Variants in GID8 observed in about 807,000 individuals in gnomAD.
GID8 encodes the protein glucose-induced degradation protein 8 homolog.
Under a neutral mutation model 27.4 loss-of-function variants are expected in GID8, and 6 were observed. That is an observed-to-expected ratio of 0.22 (90% CI 0.12 to 0.43). The LOEUF is 0.43. Among genes scored for constraint, GID8 ranks in the 20% least tolerant of loss-of-function variants. The probability of loss-of-function intolerance (pLI) is 1.00; values close to 1 mark genes in which losing one functional copy is unlikely to be tolerated. For synonymous variants in GID8, 112 were observed against 109.0 expected, an observed-to-expected ratio of 1.03 and a Z score of -0.17; for missense variants, 173 against 287.6, an observed-to-expected ratio of 0.60 and a Z score of 2.88.
intron 1 of GID8, among the ~76,000 whole-genome samples, chr20:62,940,348 C>CA: frequency 8.2e-6 from 1 of 121,772 alleles, no homozygotes; most frequent in Non-Finnish European, 1.8e-5. Flanking sequence ...CCATGCCCGG[C>CA]AAATTTTTTT....
chr20:62,945,686 C>T lies in GID8; in HGVS notation c.*774C>T. 3.4e-6 allele frequency: 4 copies of T among 1,186,144 alleles called. No homozygotes were observed. Among genetic ancestry groups the T allele is most frequent in the Non-Finnish European group, 4.3e-6 (4 of 938,244 alleles). The allele number at this position is 1,186,144 out of a possible 1,614,324, so 73.5% of individuals were successfully genotyped here. A position where few individuals can be genotyped will look rare whatever the true frequency, so the allele number is the denominator to read the frequency against. ...TTAATCATCTCAAATGACCTTTTGT[C>T]TTTGGGGCGTTCTTCCCCCTGTGAT... On this transcript the variant is annotated 3_prime_UTR_variant, in exon 5 of 5. Transcript: ENST00000266069.
chr20:62,942,145 C>T (rs1383942428), intron 2 of GID8, among the ~76,000 whole-genome samples: 1 of 152,190 alleles, frequency 6.6e-6, no homozygotes, highest in Non-Finnish European at 1.5e-5. Flanking sequence ...TTCCTTCTCC[C>T]AAATTAATCT....
At position 62,938,195 on chromosome 20, in the gene GID8, G is replaced by C. The variant is rs1410787084; in HGVS notation, c.-71G>C. On this transcript the variant is annotated 5_prime_UTR_variant, in exon 1 of 5. Transcript: ENST00000266069. ...CGGCCGCCACCTCTCCCCAGCCCAG[G>C]AGAGGCTGCGGAGCCGCAGCCGCCC... 5.1e-6 allele frequency: 1 copy of C among 195,664 alleles called. No individual in the cohort carries two copies. The highest frequency in any genetic ancestry group is 1.0e-5 in the Non-Finnish European group (1 of 96,530). 12.1% of individuals were successfully genotyped at this position (195,664 alleles called of 1,614,324 possible). A position where few individuals can be genotyped will look rare whatever the true frequency, so the allele number is the denominator to read the frequency against.
At chr20:62,939,135 A>C (rs1309941135) in intron 1 of GID8, among the ~76,000 whole-genome samples, 1 of 152,100 alleles carries the variant, frequency 6.6e-6, no homozygotes, top group African/African-American at 2.4e-5. Context: ...AAAGAAAAAG[A>C]AAATGAGTCC....
At chr20:62,939,592 C>T (rs184732427) in intron 1 of GID8, among the ~76,000 whole-genome samples, 12 of 152,302 alleles carry the variant, frequency 7.9e-5, no homozygotes, top group Admixed American at 5.9e-4. Context: ...GTGGCCCCAT[C>T]TTGCAGGGCC....
In GID8 at chr20:62,943,726, C is replaced by T. The variant is rs1025376830; in HGVS notation, c.513+34C>T. On this transcript the variant is annotated intron_variant, in intron 4 of 4. Transcript: ENST00000266069. This position sits in a 1 kb window ranked among gnomAD's most constrained non-coding sequence, Gnocchi z 4.7. ...TGCCAGAGGGAAGCTTTCTTCCATT[C>T]CCCATGTGCTCTGAGGGGGCTTCGT... The T allele has an allele frequency of 7.8e-6, 12 of 1,537,958 alleles. 1 individual carries two copies. In the Admixed American group the frequency reaches 1.5e-4, roughly 19 times the overall value.
In GID8 at chr20:62,945,744, G is replaced by A. The variant is rs1224258478; in HGVS notation, c.*832G>A. The A allele has an allele frequency of 4.9e-6, 6 of 1,219,184 alleles. No individual in the cohort carries two copies. The highest frequency in any genetic ancestry group is 6.3e-6 in the Non-Finnish European group (6 of 949,662). 75.5% of individuals were successfully genotyped at this position (1,219,184 alleles called of 1,614,324 possible). Reference sequence around the variant, plus strand: ...GTGGCTTTTTCTGGTACCTGCAGCTGGAAAGGCCACTTGGCCCTGTGCTGA... The same window carrying A: ...GTGGCTTTTTCTGGTACCTGCAGCTAGAAAGGCCACTTGGCCCTGTGCTGA... On this transcript the variant is annotated 3_prime_UTR_variant, in exon 5 of 5. Transcript: ENST00000266069.
At chr20:62,940,079 A>G (rs1393351822) in intron 1 of GID8, among the ~76,000 whole-genome samples, 1 of 151,934 alleles carries the variant, frequency 6.6e-6, no homozygotes, top group African/African-American at 2.4e-5. Flanking sequence ...TTTGCCACGT[A>G]CATATTTGTT....
Position 62,945,819 on chromosome 20 carries a change from G to T in GID8, c.*907G>T. ...GCAGCCCTTGGCCGGTGGGGACGCA[G>T]AGCCCCAGCAGGTGGTGCACGACTG... On this transcript the variant is annotated 3_prime_UTR_variant, in exon 5 of 5. Coordinates refer to ENST00000266069, the MANE Select transcript of GID8 (RefSeq NM_017896.3). 1 of 1,288,608 alleles carries T rather than the reference G, an allele frequency of 7.8e-7. No homozygotes were observed. The highest frequency in any genetic ancestry group is 1.0e-6 in the Non-Finnish European group (1 of 988,008). 79.8% of individuals were successfully genotyped at this position (1,288,608 alleles called of 1,614,324 possible). A position where few individuals can be genotyped will look rare whatever the true frequency, so the allele number is the denominator to read the frequency against.
chr20:62,944,950 C>A lies in GID8; in HGVS notation c.*38C>A. 1 of 1,574,414 alleles carries A rather than the reference C, an allele frequency of 6.4e-7. No individual in the cohort carries two copies. Among genetic ancestry groups the A allele is most frequent in the East Asian group, 2.3e-5 (1 of 42,584 alleles). ...CGTGGTGGATCCAACACCAGCCCTG[C>A]GTCGTGGGACTTGCCTCAGATCAGC... On this transcript the variant is annotated 3_prime_UTR_variant, in exon 5 of 5. Transcript: ENST00000266069.
In GID8 at chr20:62,948,066, C is replaced by T. The variant is rs1246153060; in HGVS notation, c.*3154C>T. On this transcript the variant is annotated 3_prime_UTR_variant, in exon 5 of 5. Coordinates refer to ENST00000266069, the MANE Select transcript of GID8 (RefSeq NM_017896.3). ...GGTGGCCAAGCAGTCTGTGTGCTTC[C>T]CCGCTGATGGAGAACGTTGCGTTGT... is the stretch of plus-strand genomic sequence containing the variant. 6.6e-6 allele frequency: 1 copy of T among 152,224 alleles called. No individual in the cohort carries two copies. Among genetic ancestry groups the T allele is most frequent in the African/African-American group, 2.4e-5 (1 of 41,456 alleles). 9.4% of individuals were successfully genotyped at this position (152,224 alleles called of 1,614,324 possible).
At chr20:62,940,057 A>C (rs993679119) in intron 1 of GID8, among the ~76,000 whole-genome samples, 4 of 152,152 alleles carry the variant, frequency 2.6e-5, no homozygotes, top group Non-Finnish European at 4.4e-5. Context: ...AAAAAAAAAC[A>C]AACAAAATAG....
Position 62,943,551 on chromosome 20 carries a change from T to C in GID8, c.372T>C (p.Phe124=), listed in dbSNP as rs778933614. Residue 124 remains phenylalanine (F), a synonymous_variant, in exon 4 of 5, where the codon TTT becomes TTC. Transcript: ENST00000266069. This position sits in a 1 kb window ranked among gnomAD's most constrained non-coding sequence, Gnocchi z 4.7. ...GGGAGACAGAGGCGGCGCTGGAGTT[T>C]GCACAGACTCAGCTGGCGGAGCAGG... The part of the protein sequence containing the change: ...RQRETEAALE[F]AQTQLAEQGE... 1 of 1,613,400 alleles carries C rather than the reference T, an allele frequency of 6.2e-7. No homozygotes were observed. The highest frequency in any genetic ancestry group is 8.5e-7 in the Non-Finnish European group (1 of 1,180,016).
Position 62,945,040 on chromosome 20 carries a change from T to G in GID8, c.*128T>G. ...TTCTCCCTTGTACTTTTTTTTGACC[T>G]GGCATCTTTTTATAGGGAAAAATGG... On this transcript the variant is annotated 3_prime_UTR_variant, in exon 5 of 5. Transcript: ENST00000266069. 1 of 1,431,878 alleles carries G rather than the reference T, an allele frequency of 7.0e-7. No individual in the cohort carries two copies. Among genetic ancestry groups the G allele is most frequent in the Non-Finnish European group, 9.1e-7 (1 of 1,094,520 alleles). The allele number at this position is 1,431,878 out of a possible 1,614,324, so 88.7% of individuals were successfully genotyped here. A position where few individuals can be genotyped will look rare whatever the true frequency, so the allele number is the denominator to read the frequency against.
In GID8 at chr20:62,942,906, A is replaced by G. The variant is rs754361851; in HGVS notation, c.119-81A>G. The G allele has an allele frequency of 1.3e-4, 126 of 979,174 alleles. 1 individual carries two copies. The highest frequency in any genetic ancestry group is 2.1e-4 in the South Asian group (14 of 67,010). 60.7% of individuals were successfully genotyped at this position (979,174 alleles called of 1,614,324 possible). A position where few individuals can be genotyped will look rare whatever the true frequency, so the allele number is the denominator to read the frequency against. On this transcript the variant is annotated intron_variant, in intron 2 of 4. Transcript: ENST00000266069. ...ACATCAGAGGTTATTAATTGAGGCA[A>G]TTGGAGTTTCTGGAGATACAAAGTC...
rs1479810935 is a variant in GID8 at position 62,947,281 on chromosome 20, T to C, written c.*2369T>C. The C allele has an allele frequency of 2.0e-5, 3 of 152,278 alleles. No homozygotes were observed. The highest frequency in any genetic ancestry group is 6.5e-5 in the Admixed American group (1 of 15,292). The allele number at this position is 152,278 out of a possible 1,614,324, so 9.4% of individuals were successfully genotyped here. Reference sequence around the variant, plus strand: ...TCGTGTGAGGGGCTGCACTTGCTTTTCTTGTGATCTGTTAGTGGACGAGGT... The same window carrying C: ...TCGTGTGAGGGGCTGCACTTGCTTTCCTTGTGATCTGTTAGTGGACGAGGT... On this transcript the variant is annotated 3_prime_UTR_variant, in exon 5 of 5. Coordinates refer to ENST00000266069, the MANE Select transcript of GID8 (RefSeq NM_017896.3).
chr20:62,938,993 C>T (rs376942299), intron 1 of GID8, among the ~76,000 whole-genome samples: 205 of 152,220 alleles, frequency 1.3e-3, no homozygotes, highest in South Asian at 8.1e-3. Context: ...TGGTGCGCTC[C>T]TGTTGTCCCA....
chr20:62,938,174 C>T lies in GID8; in HGVS notation c.-92C>T, dbSNP rs546048762. On this transcript the variant is annotated 5_prime_UTR_variant, in exon 1 of 5. Transcript: ENST00000266069. ...CCTTCTACTCGGGCGCCCCGGCGGC[C>T]GCCACCTCTCCCCAGCCCAGGAGAG... The T allele has an allele frequency of 1.1e-3, 241 of 229,456 alleles. No individual in the cohort carries two copies. Among genetic ancestry groups the T allele is most frequent in the African/African-American group, 5.1e-3 (223 of 43,876 alleles). The allele number at this position is 229,456 out of a possible 1,614,324, so 14.2% of individuals were successfully genotyped here. A position where few individuals can be genotyped will look rare whatever the true frequency, so the allele number is the denominator to read the frequency against.
chr20:62,943,509 C>A lies in GID8; in HGVS notation c.330C>A (p.Ile110=). Residue 110 remains isoleucine (I), a synonymous_variant, in exon 4 of 5, where the codon ATC becomes ATA. Coordinates refer to ENST00000266069, the MANE Select transcript of GID8 (RefSeq NM_017896.3). The surrounding 1 kb of genome is among the most constrained non-coding windows in gnomAD (Gnocchi z 4.7). ...TCTGCCTCCAGCAACAGCATTTGATCGAGCTGATCCGCCAGCGGGAGACAG... is the reference window on the plus strand; with the variant it reads ...TCTGCCTCCAGCAACAGCATTTGATAGAGCTGATCCGCCAGCGGGAGACAG... ...LYFHLQQQHL[I]ELIRQRETEA... 6.2e-7 allele frequency: 1 copy of A among 1,612,128 alleles called. No individual in the cohort carries two copies.
Sources: allele counts gnomAD v4.1 joint callset (sites outside exome capture counted in the v4.1 genomes callset), GRCh38; gene constraint gnomAD v4.1.1; non-coding constraint Gnocchi (gnomAD v3.1); transcripts MANE v1.5; gene names NCBI Gene and HGNC (gene_info 2026-07-23, HGNC 2026-07-21).